SLC25A28: variants seen among roughly 807,000 people sequenced by gnomAD.
SLC25A28 encodes mitoferrin-2.
A neutral mutation model predicts 31.9 loss-of-function variants in SLC25A28; 10 were observed. The ratio of observed to expected loss-of-function variants is 0.31; its 90% CI spans 0.19 to 0.53. The LOEUF is 0.53. SLC25A28 is among the 20% of genes least tolerant of loss of function. SLC25A28 has a pLI of 0.95. For synonymous variants in SLC25A28, 208 were observed against 203.6 expected (o/e 1.02, Z -0.19); for missense variants, 256 against 490.3 (o/e 0.52, Z 4.51).
the SLC25A28 span, among the ~76,000 whole-genome samples, chr10:99,650,804 T>G: frequency 6.6e-6 from 1 of 152,122 alleles, no homozygotes; most frequent in South Asian, 2.1e-4. Context: ...GCACTTGGTC[T>G]CCCCTCTCCC....
the SLC25A28 span, among the ~76,000 whole-genome samples, chr10:99,636,594 A>G: frequency 2.0e-5 from 3 of 152,232 alleles, no homozygotes; most frequent in African/African-American, 7.2e-5. Flanking sequence ...CAAACCCAGC[A>G]GAAGAAAGGA....
chr10:99,640,868 A>G, the SLC25A28 span, among the ~76,000 whole-genome samples: 2 of 152,178 alleles, frequency 1.3e-5, no homozygotes, highest in Non-Finnish European at 2.9e-5. Flanking sequence ...TTCCAGCTTC[A>G]TCCATGTCCC....
intron 1 of SLC25A28, chr10:99,619,166 T>C (rs7908026): frequency 0.45 from 443,088 of 984,956 alleles, 100,695 homozygotes; most frequent in Middle Eastern, 0.64. Flanking sequence ...TCCTGCTTGG[T>C]TGTGAATGCA....
chr10:99,617,469 A>G lies in SLC25A28; in HGVS notation c.291+2576T>C, dbSNP rs543913945. 33 of 984,272 alleles carry G rather than the reference A, an allele frequency of 3.4e-5. No homozygotes were observed. The African/African-American group carries it at 5.8e-4, about 17-fold the overall frequency. 61.0% of individuals were successfully genotyped at this position (984,272 alleles called of 1,614,324 possible). ...CCCTTTAGGCTCCAACAACATGGATATCTGCCTCCAGTCTTAAAGACTGGG... is the reference window on the plus strand; with the variant it reads ...CCCTTTAGGCTCCAACAACATGGATGTCTGCCTCCAGTCTTAAAGACTGGG... On this transcript the variant is annotated intron_variant, in intron 1 of 3. Coordinates refer to ENST00000370495, the MANE Select transcript of SLC25A28 (RefSeq NM_031212.4).
chr10:99,614,654 A>G (rs2034605991), intron 1 of SLC25A28, among the ~76,000 whole-genome samples: 1 of 152,218 alleles, frequency 6.6e-6, no homozygotes, highest in Non-Finnish European at 1.5e-5. Context: ...ATCTCTCTAA[A>G]GGATTTGATG....
chr10:99,652,170 T>A, the SLC25A28 span: 1 of 152,246 alleles, frequency 6.6e-6, no homozygotes, highest in Non-Finnish European at 1.5e-5. Flanking sequence ...CTTTTGTTTT[T>A]CCAGGTACAA....
upstream of SLC25A28, among the ~76,000 whole-genome samples, chr10:99,624,650 C>T (rs2034851251): frequency 6.6e-6 from 1 of 152,180 alleles, no homozygotes; most frequent in Non-Finnish European, 1.5e-5. Flanking sequence ...GCCTGGCCAA[C>T]ATGGTGAAAC....
chr10:99,615,620 T>C (rs1233973799), intron 1 of SLC25A28: 1 of 985,294 alleles, frequency 1.0e-6, no homozygotes, highest in Non-Finnish European at 1.2e-6. Context: ...TCTTTCCTAC[T>C]TCCCCCCACA....
At chr10:99,627,970 G>T in the SLC25A28 span, among the ~76,000 whole-genome samples, 1 of 152,134 alleles carries the variant, frequency 6.6e-6, no homozygotes, top group Non-Finnish European at 1.5e-5. Flanking sequence ...CCACAAATAA[G>T]TGAGAACAGA....
upstream of SLC25A28, among the ~76,000 whole-genome samples, chr10:99,622,222 T>C (rs987278106): frequency 2.6e-5 from 4 of 152,278 alleles, no homozygotes; most frequent in African/African-American, 4.8e-5. Context: ...GCACCTGTAG[T>C]CTCAGCTACT....
chr10:99,654,506 C>CA, the SLC25A28 span, among the ~76,000 whole-genome samples: 2 of 151,992 alleles, frequency 1.3e-5, no homozygotes, highest in African/African-American at 4.8e-5. Context: ...ACCAAAAATA[C>CA]AAAAAACTAG....
intron 1 of SLC25A28, chr10:99,618,272 A>G (rs1019310792): frequency 7.1e-6 from 7 of 982,976 alleles, no homozygotes; most frequent in Non-Finnish European, 7.2e-6. Flanking sequence ...GTTCTGTTAT[A>G]ATGGAACAGT....
At chr10:99,614,550 T>G (rs2034602570) in intron 1 of SLC25A28, among the ~76,000 whole-genome samples, 1 of 152,230 alleles carries the variant, frequency 6.6e-6, no homozygotes, top group Admixed American at 6.5e-5. Flanking sequence ...TCTCCAATCC[T>G]GAAGGGCCCT....
chr10:99,623,420 T>A (rs1015410484), upstream of SLC25A28, among the ~76,000 whole-genome samples: 5 of 152,212 alleles, frequency 3.3e-5, no homozygotes, highest in African/African-American at 4.8e-5. Context: ...ATTTGCCCAA[T>A]AGATGAGACT....
upstream of SLC25A28, among the ~76,000 whole-genome samples, chr10:99,623,794 T>C (rs1054514654): frequency 3.3e-5 from 5 of 152,212 alleles, no homozygotes; most frequent in Non-Finnish European, 7.3e-5. Context: ...CCTGGGGCCC[T>C]GGTGAGAATG....
At chr10:99,612,115 C>G (rs2034537431) in intron 3 of SLC25A28, among the ~76,000 whole-genome samples, 1 of 152,214 alleles carries the variant, frequency 6.6e-6, no homozygotes, top group Non-Finnish European at 1.5e-5. Context: ...TATGATTTAA[C>G]CTTTCATTCC....
chr10:99,657,106 A>G, the SLC25A28 span, among the ~76,000 whole-genome samples: 1 of 152,250 alleles, frequency 6.6e-6, no homozygotes, highest in Non-Finnish European at 1.5e-5. Flanking sequence ...AATGTAAATT[A>G]GAGGATGTTT....
At chr10:99,624,037 T>C (rs1245855344), upstream of SLC25A28, among the ~76,000 whole-genome samples, 4 of 151,986 alleles carry the variant, frequency 2.6e-5, 1 homozygote, top group South Asian at 8.3e-4. Flanking sequence ...TCCTTCCCTC[T>C]CTCCCTCCCT....
At chr10:99,644,150 A>G in the SLC25A28 span, among the ~76,000 whole-genome samples, 141 of 152,238 alleles carry the variant, frequency 9.3e-4, no homozygotes, top group African/African-American at 3.1e-3. Flanking sequence ...TGATCTGTCT[A>G]ATGTTGACAG....
Sources: gnomAD v4.1 joint callset for allele counts (sites outside exome capture counted in the v4.1 genomes callset) on GRCh38, gnomAD v4.1.1 for gene constraint, MANE v1.5 for transcripts, NCBI Gene and HGNC (gene_info 2026-07-23, HGNC 2026-07-21) for gene names.